EDIL3: variants seen among roughly 807,000 people sequenced by gnomAD.
The protein encoded by EDIL3 is EGF like and discoidin domains 3.
EDIL3 carries 37 observed loss-of-function variants against 67.4 expected under a neutral mutation model. That is an observed-to-expected ratio of 0.55 (90% CI 0.42 to 0.72). EDIL3 has a LOEUF of 0.72. Among genes scored for constraint, EDIL3 ranks in the 30% least tolerant of loss-of-function variants. The probability of loss-of-function intolerance (pLI) is 0.00; values close to 1 mark genes in which losing one functional copy is unlikely to be tolerated. For missense variants in EDIL3, 527 were observed against 586.3 expected (o/e 0.90, Z 1.04); for synonymous variants, 195 against 196.3 (o/e 0.99, Z 0.05).
chr5:84,308,189 T>C (rs918928420), intron 1 of EDIL3, among the ~76,000 whole-genome samples: 4 of 152,114 alleles, frequency 2.6e-5, no homozygotes, highest in African/African-American at 4.8e-5. Context: ...ATCGATATGA[T>C]CTAGTGGCTA....
At chr5:84,297,647 C>T (rs1471661004) in intron 1 of EDIL3, among the ~76,000 whole-genome samples, 1 of 152,086 alleles carries the variant, frequency 6.6e-6, no homozygotes, top group Non-Finnish European at 1.5e-5. Context: ...CTGAGAAGCC[C>T]CCGAGCTCTG....
chr5:84,289,866 T>C (rs572724118), intron 1 of EDIL3, among the ~76,000 whole-genome samples: 84 of 152,322 alleles, frequency 5.5e-4, no homozygotes, highest in African/African-American at 1.9e-3. Context: ...CACTAAAATA[T>C]GTTAATGAAA....
chr5:84,242,627 G>A (rs1441630673), intron 2 of EDIL3, among the ~76,000 whole-genome samples: 4 of 151,640 alleles, frequency 2.6e-5, no homozygotes, highest in East Asian at 2.0e-4. Flanking sequence ...GCAAAACCCT[G>A]TCTCTACACA....
chr5:84,274,632 T>G (rs1056542259), intron 1 of EDIL3, among the ~76,000 whole-genome samples: 3 of 152,206 alleles, frequency 2.0e-5, no homozygotes, highest in Non-Finnish European at 4.4e-5. Context: ...ATAATTTTTT[T>G]AATGTTAGTT....
At chr5:84,137,567 T>C (rs1202470226) in intron 4 of EDIL3, among the ~76,000 whole-genome samples, 1 of 152,264 alleles carries the variant, frequency 6.6e-6, no homozygotes, top group Admixed American at 6.5e-5. Flanking sequence ...AAATTCAGAA[T>C]ACAGACGAAA....
At chr5:84,037,199 CT>C (rs1746037682) in intron 9 of EDIL3, among the ~76,000 whole-genome samples, 1 of 152,280 alleles carries the variant, frequency 6.6e-6, no homozygotes, top group African/African-American at 2.4e-5. Context: ...TTATCTTGGG[CT>C]GGGATATTCC....
intron 2 of EDIL3, among the ~76,000 whole-genome samples, chr5:84,251,889 C>G (rs1223556531): frequency 1.3e-5 from 2 of 152,052 alleles, no homozygotes; most frequent in Non-Finnish European, 2.9e-5. Context: ...CTTCCAAAAA[C>G]TCCTAAATAC....
intron 9 of EDIL3, among the ~76,000 whole-genome samples, chr5:84,018,690 C>T (rs1745651860): frequency 6.6e-6 from 1 of 152,148 alleles, no homozygotes; most frequent in African/African-American, 2.4e-5. Context: ...GCCTGCCTTT[C>T]TCTACTCCTG....
intron 1 of EDIL3, among the ~76,000 whole-genome samples, chr5:84,297,673 T>C (rs1026078582): frequency 6.6e-6 from 1 of 152,168 alleles, no homozygotes; most frequent in African/African-American, 2.4e-5. Context: ...CCATGCTATT[T>C]ATTGGTAATC....
chr5:84,074,929 G>A (rs985592177), intron 6 of EDIL3, among the ~76,000 whole-genome samples: 3 of 152,154 alleles, frequency 2.0e-5, no homozygotes, highest in Middle Eastern at 3.2e-3. Context: ...ATTCACAATA[G>A]CAAAGACTTG....
chr5:84,119,653 C>T lies in EDIL3; in HGVS notation c.470-12823G>A, dbSNP rs78075903. Among the ~76,000 whole-genome samples the T allele has an allele frequency of 1.2e-3, 182 of 152,124 alleles. 1 individual carries two copies. Among genetic ancestry groups the T allele is most frequent in the African/African-American group, 4.3e-3 (179 of 41,548 alleles). On this transcript the variant is annotated intron_variant, in intron 5 of 10. Coordinates refer to ENST00000296591, the MANE Select transcript of EDIL3 (RefSeq NM_005711.5). ...CCTACGGAAAAGTTTCATATTAACA[C>T]TTTGATAAATCAGATTACAATTCTG...
chr5:84,133,855 T>C (rs1302421505), intron 5 of EDIL3, among the ~76,000 whole-genome samples: 1 of 151,964 alleles, frequency 6.6e-6, no homozygotes, highest in East Asian at 1.9e-4. Context: ...GTAAATAAAT[T>C]GTATGAATCA....
chr5:84,370,682 G>A (rs192901416), intron 1 of EDIL3, among the ~76,000 whole-genome samples: 12 of 152,120 alleles, frequency 7.9e-5, no homozygotes, highest in African/African-American at 2.9e-4. Context: ...CTTTTAAACT[G>A]TTTATAAATT....
chr5:84,001,686 C>T (rs1554062960), intron 9 of EDIL3, among the ~76,000 whole-genome samples: 1 of 151,968 alleles, frequency 6.6e-6, no homozygotes, highest in Non-Finnish European at 1.5e-5. Flanking sequence ...AATTGGAAAA[C>T]CTAGAAAGGA....
rs151316575 is a variant in EDIL3, at chr5:84,089,333, G to A, written c.651+17316C>T. Among the ~76,000 whole-genome samples the A allele has an allele frequency of 2.4e-3, 366 of 152,296 alleles. 3 individuals carry two copies. Among genetic ancestry groups the A allele is most frequent in the African/African-American group, 7.6e-3 (317 of 41,566 alleles). On this transcript the variant is annotated intron_variant, in intron 6 of 10. Transcript: ENST00000296591. Reference sequence around the variant, plus strand: ...TTTTCTCCAAGTTAATCAAAAAGCCGATGAACTCCTTTTCTTGAATTTGAT... The same window carrying A: ...TTTTCTCCAAGTTAATCAAAAAGCCAATGAACTCCTTTTCTTGAATTTGAT...
chr5:84,150,865 C>T (rs1034713167), intron 4 of EDIL3, among the ~76,000 whole-genome samples: 19 of 152,242 alleles, frequency 1.2e-4, no homozygotes, highest in Admixed American at 9.8e-4. Context: ...TAACCCCAAA[C>T]CTGAGACAAC....
chr5:84,345,015 C>T (rs1223172155), intron 1 of EDIL3, among the ~76,000 whole-genome samples: 1 of 152,108 alleles, frequency 6.6e-6, no homozygotes, highest in Non-Finnish European at 1.5e-5. Flanking sequence ...AGGAGGCTAA[C>T]GTATTTTCAA....
chr5:84,072,988 G>T (rs562287672), intron 6 of EDIL3, among the ~76,000 whole-genome samples: 1 of 152,114 alleles, frequency 6.6e-6, no homozygotes, highest in African/African-American at 2.4e-5. Context: ...CACAGGTAAA[G>T]TTCACAGGAA....
intron 4 of EDIL3, among the ~76,000 whole-genome samples, chr5:84,155,956 GT>G (rs1443423890): frequency 6.6e-6 from 1 of 152,138 alleles, no homozygotes; most frequent in African/African-American, 2.4e-5. Flanking sequence ...ATACTTAACT[GT>G]ATACAAGTGT....
Sources: allele counts gnomAD v4.1 joint callset (sites outside exome capture counted in the v4.1 genomes callset), GRCh38; gene constraint gnomAD v4.1.1; transcripts MANE v1.5; gene names NCBI Gene and HGNC (gene_info 2026-07-23, HGNC 2026-07-21).